Variants in RAPGEF2 observed in about 807,000 individuals in gnomAD.
RAPGEF2 encodes the protein PDZ domain containing guanine nucleotide exchange factor (GEF) 1.
RAPGEF2 carries 54 observed loss-of-function variants against 186.7 expected under a neutral mutation model. The ratio of observed to expected loss-of-function variants is 0.29; its 90% CI spans 0.23 to 0.36. RAPGEF2 has a LOEUF of 0.36. Among genes scored for constraint, RAPGEF2 ranks in the 10% least tolerant of loss-of-function variants. The pLI is 1.00. For synonymous variants in RAPGEF2, 712 were observed against 705.9 expected, an observed-to-expected ratio of 1.01 and a Z score of -0.14; for missense variants, 1,532 against 2,045.0, an observed-to-expected ratio of 0.75 and a Z score of 4.84.
intron 1 of RAPGEF2, among the ~76,000 whole-genome samples, chr4:159,115,067 A>G (rs748115232): frequency 2.0e-5 from 3 of 152,182 alleles, no homozygotes; most frequent in South Asian, 2.1e-4. Context: ...CCTTGTATCT[A>G]TGCCTTTACA....
intron 1 of RAPGEF2, among the ~76,000 whole-genome samples, chr4:159,164,163 C>T (rs1745031349): frequency 6.6e-6 from 1 of 152,142 alleles, no homozygotes; most frequent in South Asian, 2.1e-4. Flanking sequence ...CACCACCACA[C>T]CCAGCTAATT....
At chr4:159,214,281 T>G (rs1048552802) in intron 4 of RAPGEF2, among the ~76,000 whole-genome samples, 1 of 152,198 alleles carries the variant, frequency 6.6e-6, no homozygotes, top group East Asian at 1.9e-4. Flanking sequence ...CCATAGTCAT[T>G]GTAGGTTGAT....
intron 7 of RAPGEF2, among the ~76,000 whole-genome samples, chr4:159,289,906 A>G (rs560867549): frequency 6.6e-6 from 1 of 152,296 alleles, no homozygotes; most frequent in Admixed American, 6.5e-5. Flanking sequence ...AGATTTATAT[A>G]TTTAGTACAG....
At chr4:159,176,197 G>T (rs1410002135) in intron 1 of RAPGEF2, among the ~76,000 whole-genome samples, 2 of 152,150 alleles carry the variant, frequency 1.3e-5, no homozygotes, top group African/African-American at 4.8e-5. Flanking sequence ...TGTGGAAAGG[G>T]TACAAGAGGT....
chr4:159,250,983 A>G (rs1412395358), intron 7 of RAPGEF2, among the ~76,000 whole-genome samples: 2 of 152,192 alleles, frequency 1.3e-5, no homozygotes, highest in Non-Finnish European at 1.5e-5. Context: ...ACGAGTTCCC[A>G]GTGGGCACAG....
chr4:159,264,204 C>T (rs1028718751), intron 7 of RAPGEF2, among the ~76,000 whole-genome samples: 2 of 152,006 alleles, frequency 1.3e-5, no homozygotes, highest in African/African-American at 2.4e-5. Flanking sequence ...GTGTGGATAA[C>T]GAAATTTCTG....
At chr4:159,349,077 G>GT (rs1478263551) in intron 25 of RAPGEF2, among the ~76,000 whole-genome samples, 4 of 152,098 alleles carry the variant, frequency 2.6e-5, no homozygotes, top group Admixed American at 6.5e-5. Context: ...TTAAATCTGT[G>GT]TATGATGCTG....
At chr4:159,137,444 C>T (rs1345134835) in intron 1 of RAPGEF2, among the ~76,000 whole-genome samples, 2 of 152,152 alleles carry the variant, frequency 1.3e-5, no homozygotes, top group Non-Finnish European at 2.9e-5. Context: ...TGGACCAGGG[C>T]CCCTCCCTTA....
intron 2 of RAPGEF2, among the ~76,000 whole-genome samples, chr4:159,187,287 CTTTCTT>C (rs1747656547): frequency 6.6e-6 from 1 of 152,000 alleles, no homozygotes; most frequent in East Asian, 1.9e-4. Flanking sequence ...GTCTCTGTCT[CTTTCTT>C]CTTCCTCCTC....
At chr4:159,151,309 A>G (rs955813470) in intron 1 of RAPGEF2, among the ~76,000 whole-genome samples, 1 of 152,230 alleles carries the variant, frequency 6.6e-6, no homozygotes, top group Non-Finnish European at 1.5e-5. Context: ...TCAGGAGTCC[A>G]GGTCAGTTTG....
At chr4:159,244,919 T>C (rs1256086869) in intron 7 of RAPGEF2, among the ~76,000 whole-genome samples, 2 of 152,020 alleles carry the variant, frequency 1.3e-5, no homozygotes, top group African/African-American at 4.8e-5. Context: ...TTAAGTTCAC[T>C]AAAATAATTT....
At chr4:159,104,504 G>C (rs1013135676) in intron 1 of RAPGEF2, among the ~76,000 whole-genome samples, 2 of 125,714 alleles carry the variant, frequency 1.6e-5, no homozygotes, top group East Asian at 4.4e-4. Context: ...GAGAGAGAGA[G>C]AGAGAGAGAG....
At chr4:159,167,307 G>A (rs576735631) in intron 1 of RAPGEF2, among the ~76,000 whole-genome samples, 15 of 152,294 alleles carry the variant, frequency 9.8e-5, no homozygotes, top group Admixed American at 4.6e-4. Context: ...TTGAAATGAC[G>A]CTTCAGCAGC....
At chr4:159,201,077 C>A (rs1265976095) in intron 3 of RAPGEF2, among the ~76,000 whole-genome samples, 4 of 152,036 alleles carry the variant, frequency 2.6e-5, no homozygotes, top group African/African-American at 9.7e-5. Flanking sequence ...GGCTTGATAT[C>A]ATTGTTGGGG....
At chr4:159,279,302 A>G (rs990282603) in intron 7 of RAPGEF2, among the ~76,000 whole-genome samples, 5 of 152,230 alleles carry the variant, frequency 3.3e-5, no homozygotes, top group Non-Finnish European at 7.3e-5. Flanking sequence ...GTGCAGATGC[A>G]TGCGCACGCA....
intron 7 of RAPGEF2, among the ~76,000 whole-genome samples, chr4:159,296,952 A>G (rs1762096976): frequency 6.6e-6 from 1 of 152,184 alleles, no homozygotes; most frequent in Admixed American, 6.5e-5. Flanking sequence ...GCCAGTTTTC[A>G]ACCAGTTCAC....
chr4:159,147,448 A>C (rs1464712896), intron 1 of RAPGEF2, among the ~76,000 whole-genome samples: 1 of 151,948 alleles, frequency 6.6e-6, no homozygotes, highest in East Asian at 1.9e-4. Context: ...TAGGGCTTTG[A>C]GGAGACAGGT....
chr4:159,262,247 A>G (rs568967718), intron 7 of RAPGEF2, among the ~76,000 whole-genome samples: 1 of 152,364 alleles, frequency 6.6e-6, no homozygotes, highest in African/African-American at 2.4e-5. Flanking sequence ...TTTGTGATGC[A>G]GTATTTCCTG....
Position 159,353,069 on chromosome 4 carries a change from C to T in RAPGEF2, c.4091+159C>T, listed in dbSNP as rs1731431115. Among the ~76,000 whole-genome samples the T allele has an allele frequency of 6.6e-6, 1 of 152,162 alleles. No individual in the cohort carries two copies. Among genetic ancestry groups the T allele is most frequent in the African/African-American group, 2.4e-5 (1 of 41,426 alleles). ...TTTTCACAATTTCTACACTAAGTATCATGTTATTTTTGTTAAGCAGACTGC... is the reference window on the plus strand; with the variant it reads ...TTTTCACAATTTCTACACTAAGTATTATGTTATTTTTGTTAAGCAGACTGC... On this transcript the variant is annotated intron_variant, in intron 27 of 29. Transcript: ENST00000691494. This position sits in a 1 kb window ranked among gnomAD's most constrained non-coding sequence, Gnocchi z 4.3.
Sources: gnomAD v4.1 joint callset for allele counts (sites outside exome capture counted in the v4.1 genomes callset) on GRCh38, gnomAD v4.1.1 for gene constraint, Gnocchi (gnomAD v3.1) non-coding constraint, MANE v1.5 for transcripts, NCBI Gene and HGNC (gene_info 2026-07-23, HGNC 2026-07-21) for gene names.